ANKS1B: variants seen among roughly 807,000 people sequenced by gnomAD.
The protein encoded by ANKS1B is ankyrin repeat and sterile alpha motif domain containing 1B.
A neutral mutation model predicts 148.3 loss-of-function variants in ANKS1B; 36 were observed. The observed-to-expected ratio is 0.24, with a 90% CI of 0.19 to 0.32. ANKS1B has a LOEUF of 0.32. ANKS1B is among the 10% of genes least tolerant of loss of function. The probability of loss-of-function intolerance (pLI) is 1.00; values close to 1 mark genes in which losing one functional copy is unlikely to be tolerated. For missense variants in ANKS1B, 1,157 were observed against 1,542.6 expected (o/e 0.75, Z 4.19); for synonymous variants, 542 against 560.8 (o/e 0.97, Z 0.47).
At chr12:99,815,902 T>C (rs1450820680) in intron 2 of ANKS1B, among the ~76,000 whole-genome samples, 1 of 151,804 alleles carries the variant, frequency 6.6e-6, no homozygotes, top group Admixed American at 6.6e-5. Flanking sequence ...GGCACTTAGG[T>C]TGGTTCCATA....
Position 99,788,066 on chromosome 12 carries a change from C to T in ANKS1B, c.670-5969G>A, listed in dbSNP as rs2065192864. On this transcript the variant is annotated intron_variant, in intron 4 of 26. Coordinates refer to ENST00000683438, the MANE Select transcript of ANKS1B (RefSeq NM_001352186.2). ...AGTCTAGGACACAAGGACTGCAATTCCTAGGCAAATCCTAGTGCTAGGCTA... is the reference window on the plus strand; with the variant it reads ...AGTCTAGGACACAAGGACTGCAATTTCTAGGCAAATCCTAGTGCTAGGCTA... 2.0e-5 allele frequency among the ~76,000 whole-genome samples: 3 copies of T among 152,190 alleles called. No homozygotes were observed. The South Asian group carries it at 6.2e-4, about 32-fold the overall frequency.
At chr12:99,659,293 G>A (rs562084163) in intron 8 of ANKS1B, among the ~76,000 whole-genome samples, 11 of 152,098 alleles carry the variant, frequency 7.2e-5, no homozygotes, top group South Asian at 4.2e-4. Context: ...AGAAGCCAGC[G>A]GAACACACTT....
intron 12 of ANKS1B, among the ~76,000 whole-genome samples, chr12:99,277,478 G>A (rs2077825318): frequency 6.6e-6 from 1 of 152,172 alleles, no homozygotes; most frequent in Admixed American, 6.5e-5. Flanking sequence ...AAAGAATATT[G>A]TTTATTGGAG....
chr12:99,067,955 T>C (rs2044967065), intron 16 of ANKS1B, among the ~76,000 whole-genome samples: 1 of 151,964 alleles, frequency 6.6e-6, no homozygotes, highest in Non-Finnish European at 1.5e-5. Context: ...GACAATGGAG[T>C]GACTAAGAAT....
chr12:99,406,441 G>T (rs2094534339), intron 11 of ANKS1B, among the ~76,000 whole-genome samples: 1 of 145,520 alleles, frequency 6.9e-6, no homozygotes, highest in Non-Finnish European at 1.5e-5. Flanking sequence ...GGTCAATGAA[G>T]AAATTAAGAG....
chr12:99,595,831 A>G (rs2097753995), intron 9 of ANKS1B, among the ~76,000 whole-genome samples: 1 of 151,960 alleles, frequency 6.6e-6, no homozygotes, highest in African/African-American at 2.4e-5. Flanking sequence ...TAATCCTTCA[A>G]TTCAACCACT....
intron 9 of ANKS1B, among the ~76,000 whole-genome samples, chr12:99,540,657 C>T (rs1049227852): frequency 2.6e-5 from 4 of 151,742 alleles, no homozygotes; most frequent in Admixed American, 6.6e-5. Context: ...TATGGAATGC[C>T]GCAGTGCTTA....
intron 1 of ANKS1B, among the ~76,000 whole-genome samples, chr12:99,942,498 C>A (rs962050700): frequency 1.3e-5 from 2 of 151,720 alleles, no homozygotes; most frequent in African/African-American, 4.8e-5. Flanking sequence ...AATGATGGAA[C>A]AATAGCTTGA....
At chr12:99,789,773 C>T (rs766925854) in intron 4 of ANKS1B, among the ~76,000 whole-genome samples, 12 of 151,840 alleles carry the variant, frequency 7.9e-5, no homozygotes, top group African/African-American at 1.5e-4. Context: ...ACAGCCATAC[C>T]GCCCCAAACG....
chr12:99,637,860 G>A lies in ANKS1B; in HGVS notation c.1272+17207C>T, dbSNP rs553946791. On this transcript the variant is annotated intron_variant, in intron 9 of 26. Transcript: ENST00000683438. ...ACACATACACGGAGAGAGAGAGAGA[G>A]ACATAAAGAGAGAAAAAAAGAGAGA... Among the ~76,000 whole-genome samples the A allele has an allele frequency of 2.0e-5, 3 of 149,760 alleles. No individual in the cohort carries two copies. The East Asian group carries it at 5.8e-4, about 29-fold the overall frequency.
intron 12 of ANKS1B, among the ~76,000 whole-genome samples, chr12:99,320,811 T>C (rs1463395036): frequency 2.6e-5 from 4 of 152,208 alleles, no homozygotes; most frequent in Non-Finnish European, 5.9e-5. Flanking sequence ...TGTGCTCTGG[T>C]TTCTCCCCAT....
intron 8 of ANKS1B, among the ~76,000 whole-genome samples, chr12:99,716,736 C>T (rs1254476715): frequency 6.6e-6 from 1 of 152,052 alleles, no homozygotes; most frequent in African/African-American, 2.4e-5. Context: ...TGCAAATCGT[C>T]CCAAATCTTC....
At chr12:99,647,916 A>T (rs966991553) in intron 9 of ANKS1B, 3 of 469,260 alleles carry the variant, frequency 6.4e-6, no homozygotes, top group Non-Finnish European at 1.1e-5. Context: ...GAGGGCCCCA[A>T]CACCTGTGCT....
chr12:99,809,155 A>G (rs1295592122), intron 3 of ANKS1B, among the ~76,000 whole-genome samples: 1 of 152,110 alleles, frequency 6.6e-6, no homozygotes, highest in Non-Finnish European at 1.5e-5. Flanking sequence ...TATTCTTAAA[A>G]GTTTTTTAAT....
intron 9 of ANKS1B, among the ~76,000 whole-genome samples, chr12:99,507,125 TTTCAG>T (rs1397872469): frequency 6.6e-6 from 1 of 151,948 alleles, no homozygotes; most frequent in Non-Finnish European, 1.5e-5. Flanking sequence ...TTATTTTGCC[TTTCAG>T]TTCAGTTAAT....
At chr12:99,447,127 T>A (rs2152807336) in intron 10 of ANKS1B, among the ~76,000 whole-genome samples, 1 of 152,128 alleles carries the variant, frequency 6.6e-6, no homozygotes, top group East Asian at 1.9e-4. Context: ...AACAGACACA[T>A]CAACCAATGG....
intron 17 of ANKS1B, among the ~76,000 whole-genome samples, chr12:98,886,267 G>A (rs939484824): frequency 1.3e-5 from 2 of 152,118 alleles, no homozygotes; most frequent in Non-Finnish European, 2.9e-5. Context: ...GCAAATTAAG[G>A]ACTAAAGATC....
At chr12:98,771,731 G>A (rs571627446) in intron 25 of ANKS1B, among the ~76,000 whole-genome samples, 30 of 152,130 alleles carry the variant, frequency 2.0e-4, no homozygotes, top group African/African-American at 7.2e-4. Flanking sequence ...TGCCCACCTC[G>A]GCCTCCAAAA....
At chr12:99,360,410 G>A (rs1040927704) in intron 12 of ANKS1B, among the ~76,000 whole-genome samples, 1 of 151,908 alleles carries the variant, frequency 6.6e-6, no homozygotes, top group Admixed American at 6.6e-5. Flanking sequence ...GCCAAATATC[G>A]AATACTAAAT....
Sources: allele counts gnomAD v4.1 joint callset (sites outside exome capture counted in the v4.1 genomes callset), GRCh38; gene constraint gnomAD v4.1.1; transcripts MANE v1.5; gene names NCBI Gene and HGNC (gene_info 2026-07-23, HGNC 2026-07-21).